The following CNOT1 variants were observed in gnomAD, a reference collection of about 807,000 sequenced individuals.
CNOT1 encodes CCR4-associated factor 1.
Under a neutral mutation model 273.8 loss-of-function variants are expected in CNOT1, and 15 were observed. The observed-to-expected ratio is 0.05, with a 90% CI of 0.04 to 0.08. The LOEUF is 0.08. Ranked by LOEUF, CNOT1 falls within the 10% of genes least tolerant of loss-of-function variation. The probability of loss-of-function intolerance (pLI) is 1.00; values close to 1 mark genes in which losing one functional copy is unlikely to be tolerated. For missense variants in CNOT1, 1,644 were observed against 2,912.2 expected (o/e 0.56, Z 10.02); for synonymous variants, 1,022 against 1,005.5 (o/e 1.02, Z -0.31).
chr16:58,617,985 A>G (rs1318655478), intron 1 of CNOT1, among the ~76,000 whole-genome samples: 1 of 152,200 alleles, frequency 6.6e-6, no homozygotes, highest in Non-Finnish European at 1.5e-5. Flanking sequence ...GAGCGTGGGT[A>G]ACAGAGCAAG....
intron 1 of CNOT1, among the ~76,000 whole-genome samples, chr16:58,609,530 C>A (rs1026779915): frequency 3.3e-5 from 5 of 152,104 alleles, no homozygotes; most frequent in African/African-American, 1.2e-4. Flanking sequence ...ATGGCATGAT[C>A]ATGGCTGATG....
chr16:58,589,111 A>G (rs1230805074), intron 2 of CNOT1, among the ~76,000 whole-genome samples: 1 of 152,168 alleles, frequency 6.6e-6, no homozygotes, highest in Admixed American at 6.6e-5. Flanking sequence ...CATATTGCCC[A>G]GGCTGATCTC....
At chr16:58,580,263 A>G (rs1281613853) in intron 12 of CNOT1, among the ~76,000 whole-genome samples, 1 of 150,540 alleles carries the variant, frequency 6.6e-6, no homozygotes, top group African/African-American at 2.4e-5. Context: ...AAAGAAAACT[A>G]TTAGATTTGA....
chr16:58,620,653 T>TAA lies in CNOT1; in HGVS notation c.-175+9073_-175+9074dup, dbSNP rs200053031. Among the ~76,000 whole-genome samples the TAA allele has an allele frequency of 2.7e-3, 292 of 106,804 alleles. 4 individuals are homozygous for TAA. The highest frequency in any genetic ancestry group is 6.1e-3 in the Middle Eastern group (1 of 164). 70.1% of individuals were successfully genotyped at this position (106,804 alleles called of 152,430 possible). On this transcript the variant is annotated intron_variant, in intron 1 of 48. Coordinates refer to ENST00000317147, the MANE Select transcript of CNOT1 (RefSeq NM_016284.5). ...GACACAGCGAAGACTCTGTCTCATT[T>TAA]AAAAAAAAAAAAAAAAAAAAAAAAG...
Position 58,532,315 on chromosome 16 carries a change from T to A in CNOT1, c.5976A>T (p.Arg1992=). Residue 1992 remains arginine, a synonymous_variant, in exon 41 of 49, where the codon CGA becomes CGT. Transcript: ENST00000317147. ...GTTCCAAGAGAAGCATGATAAAAAT[T>A]CGATGGTAGGGAAGTTGCTGAAATT... ...QSEFQQLPYH[R]IFIMLLLELN... The A allele has an allele frequency of 1.2e-6, 2 of 1,614,180 alleles. No individual in the cohort carries two copies. Among genetic ancestry groups the A allele is most frequent in the Non-Finnish European group, 1.7e-6 (2 of 1,180,030 alleles).
At chr16:58,560,147 A>G (rs2040782575) in intron 17 of CNOT1, 65 bp downstream of exon 17, 7 of 1,584,060 alleles carry the variant, frequency 4.4e-6, no homozygotes, top group Admixed American at 1.8e-5. Flanking sequence ...TATTAATGAC[A>G]TAGGAGCTTA....
chr16:58,597,392 T>C (rs554225258), intron 2 of CNOT1, among the ~76,000 whole-genome samples: 6 of 151,850 alleles, frequency 4.0e-5, no homozygotes, highest in Admixed American at 1.3e-4. Flanking sequence ...GGAAGATTGC[T>C]TGAACCCAGG....
At chr16:58,553,984 A>G in intron 21 of CNOT1, 124 bp from the exon 22 acceptor site, 1 of 1,303,284 alleles carries the variant, frequency 7.7e-7, no homozygotes, top group Non-Finnish European at 9.8e-7. Context: ...ACTTATTTGA[A>G]GAAAATGTCA....
intron 16 of CNOT1, among the ~76,000 whole-genome samples, chr16:58,566,287 A>G (rs947083952): frequency 6.6e-6 from 1 of 152,236 alleles, no homozygotes; most frequent in East Asian, 1.9e-4. Flanking sequence ...TAATTCTTCT[A>G]TATTTATTAG....
intron 2 of CNOT1, among the ~76,000 whole-genome samples, chr16:58,591,632 T>C (rs940817162): frequency 4.6e-5 from 7 of 151,848 alleles, no homozygotes; most frequent in African/African-American, 1.7e-4. Context: ...CATGCTCCTG[T>C]AATCCCAGCT....
chr16:58,573,477 ATTTT>A (rs34706886), intron 16 of CNOT1, among the ~76,000 whole-genome samples: 3 of 112,906 alleles, frequency 2.7e-5, no homozygotes, highest in African/African-American at 3.9e-5. Flanking sequence ...CTGTTTTGCA[ATTTT>A]TTTTTTTTTT....
intron 47 of CNOT1, among the ~76,000 whole-genome samples, chr16:58,522,237 C>CAAAAAAAAAAAAAAAAAAAAAAAA (rs56149974): frequency 2.0e-5 from 2 of 98,556 alleles, no homozygotes; most frequent in African/African-American, 8.5e-5. Context: ...GAGACTGTCT[C>CAAAAAAAAAAAAAAAAAAAAAAAA]AAAAAAAAAA....
At chr16:58,611,726 CAGG>C (rs2042907734) in intron 1 of CNOT1, among the ~76,000 whole-genome samples, 1 of 150,872 alleles carries the variant, frequency 6.6e-6, no homozygotes, top group African/African-American at 2.4e-5. Context: ...GAGGCTGAGG[CAGG>C]AGAATGGCAT....
intron 47 of CNOT1, 71 bp downstream of exon 47, chr16:58,523,299 A>G: frequency 6.9e-7 from 1 of 1,456,324 alleles, no homozygotes. Context: ...CTGAAAGCAT[A>G]AAGAGGAAAA....
chr16:58,608,200 C>G (rs914609665), intron 1 of CNOT1, among the ~76,000 whole-genome samples: 6 of 151,648 alleles, frequency 4.0e-5, no homozygotes, highest in African/African-American at 1.2e-4. Flanking sequence ...AGAAAAAGAA[C>G]ATTTTAAGAA....
intron 8 of CNOT1, 55 bp downstream of exon 8, chr16:58,585,283 T>C (rs1467157709): frequency 6.3e-7 from 1 of 1,597,838 alleles, no homozygotes; most frequent in African/African-American, 1.4e-5. Context: ...TTTTAAAGAA[T>C]TACATCATGT....
At position 58,581,393 on chromosome 16, in the gene CNOT1, C is replaced by A. The variant is rs759583367; in HGVS notation, c.1167G>T (p.Val389=). Residue 389 remains valine, a synonymous_variant, in exon 11 of 49, where the codon GTG becomes GTT. Transcript: ENST00000317147. The part of the protein sequence containing the change: ...YGIQRGLGME[V]FPVDLIYRPW... ...GTCTATATATGAGGTCTACTGGGAA[C>A]ACTTCCATACCCAAACCCCTCTGAA... The A allele has an allele frequency of 3.0e-5, 49 of 1,613,864 alleles. No individual in the cohort carries two copies. The highest frequency in any genetic ancestry group is 5.0e-5 in the Admixed American group (3 of 59,964).
At chr16:58,557,351 T>C (rs1218481885) in intron 18 of CNOT1, among the ~76,000 whole-genome samples, 1 of 152,244 alleles carries the variant, frequency 6.6e-6, no homozygotes, top group African/African-American at 2.4e-5. Flanking sequence ...TTCATGATAC[T>C]ATCTTCTAAA....
At chr16:58,561,988 G>T (rs1340603075) in intron 16 of CNOT1, among the ~76,000 whole-genome samples, 1 of 151,906 alleles carries the variant, frequency 6.6e-6, no homozygotes, top group Non-Finnish European at 1.5e-5. Context: ...AGAAGCTGAG[G>T]TCAGAAGCTC....
Sources: gnomAD v4.1 joint callset for allele counts (sites outside exome capture counted in the v4.1 genomes callset) on GRCh38, gnomAD v4.1.1 for gene constraint, MANE v1.5 for transcripts, NCBI Gene and HGNC (gene_info 2026-07-23, HGNC 2026-07-21) for gene names.